The following PTPRN2 variants were observed in gnomAD, a reference collection of about 807,000 sequenced individuals.
PTPRN2 encodes receptor-type tyrosine-protein phosphatase N2.
PTPRN2 carries 74 observed loss-of-function variants against 118.8 expected under a neutral mutation model. The observed-to-expected ratio is 0.62, with a 90% CI of 0.52 to 0.76. The LOEUF (loss-of-function observed/expected upper bound fraction) is 0.76. Ranked by LOEUF, PTPRN2 falls within the 30% of genes least tolerant of loss-of-function variation. The pLI, the probability that PTPRN2 is intolerant of heterozygous loss-of-function variation, is 0.00. For missense variants in PTPRN2, 1,481 were observed against 1,394.4 expected (o/e 1.06, Z -0.99); for synonymous variants, 641 against 608.0 (o/e 1.05, Z -0.80).
chr7:157,748,573 T>C lies in PTPRN2; in HGVS notation c.1789-65636A>G, dbSNP rs548110819. Among the ~76,000 whole-genome samples, 63 of 147,320 alleles carry C rather than the reference T, an allele frequency of 4.3e-4. 2 individuals carry two copies. The highest frequency in any genetic ancestry group is 8.2e-4 in the East Asian group (4 of 4,852). ...TTCTGAGGCCTGCGTCCCTGAGCTC[T>C]GGGGTGTCTGGGTGATTCTGAGGTC... On this transcript the variant is annotated intron_variant, in intron 12 of 22. Transcript: ENST00000389418.
intron 3 of PTPRN2, among the ~76,000 whole-genome samples, chr7:158,283,980 G>A (rs1414360246): frequency 2.6e-5 from 4 of 152,114 alleles, no homozygotes; most frequent in African/African-American, 4.8e-5. Flanking sequence ...TCCAGGGTTC[G>A]GGCATCAAGA....
At chr7:158,164,252 C>A (rs556498410) in intron 6 of PTPRN2, among the ~76,000 whole-genome samples, 3 of 146,696 alleles carry the variant, frequency 2.0e-5, no homozygotes, top group African/African-American at 8.2e-5. Flanking sequence ...CAGGAGCGCA[C>A]GCGTAGGAAG....
intron 5 of PTPRN2, among the ~76,000 whole-genome samples, chr7:158,185,324 A>G (rs1482543273): frequency 6.6e-6 from 1 of 152,200 alleles, no homozygotes; most frequent in Non-Finnish European, 1.5e-5. Flanking sequence ...ATGTGTGTTT[A>G]GCAGTTTTTA....
intron 2 of PTPRN2, among the ~76,000 whole-genome samples, chr7:158,367,551 G>A (rs951540256): frequency 2.0e-5 from 3 of 152,192 alleles, no homozygotes; most frequent in Non-Finnish European, 2.9e-5. Flanking sequence ...TGGGGAGCAC[G>A]TCAGTCACCT....
intron 2 of PTPRN2, among the ~76,000 whole-genome samples, chr7:158,466,858 C>A (rs979341460): frequency 6.6e-6 from 1 of 151,974 alleles, no homozygotes; most frequent in Non-Finnish European, 1.5e-5. Flanking sequence ...CTGGCCAACA[C>A]GGTGAAACCC....
intron 2 of PTPRN2, among the ~76,000 whole-genome samples, chr7:158,462,108 A>G (rs1032737207): frequency 3.0e-5 from 1 of 33,872 alleles, no homozygotes; most frequent in Non-Finnish European, 6.5e-5. Context: ...CTAGGTCCAC[A>G]CACCAGGGCC....
intron 1 of PTPRN2, among the ~76,000 whole-genome samples, chr7:158,542,139 T>G (rs935202109): frequency 1.3e-5 from 2 of 152,188 alleles, no homozygotes; most frequent in African/African-American, 2.4e-5. Context: ...CCCTTCTTTT[T>G]TTGTTGTTGT....
rs76659431 is a variant in PTPRN2 at position 157,651,150 on chromosome 7, C to T, written c.2196+5207G>A. On this transcript the variant is annotated intron_variant, in intron 14 of 22. Transcript: ENST00000389418. The stretch of plus-strand genomic sequence containing the variant: ...ACTCCACAGGCTGGCAGCACCCCCT[C>T]CCTCCTCAGCAAAATTCATGAACTT... Among the ~76,000 whole-genome samples, 719 of 152,370 alleles carry T rather than the reference C, an allele frequency of 4.7e-3. 7 individuals are homozygous for T. The highest frequency in any genetic ancestry group is 0.016 in the African/African-American group (682 of 41,590).
At chr7:157,875,014 GACAC>G (rs772135547) in intron 12 of PTPRN2, among the ~76,000 whole-genome samples, 1 of 94,144 alleles carries the variant, frequency 1.1e-5, no homozygotes, top group Admixed American at 8.9e-5. Context: ...CATGCACACA[GACAC>G]ACAGACACAC....
rs1251531320 is a variant in PTPRN2 at position 158,092,282 on chromosome 7, G to GTA, written c.1644-10906_1644-10905insTA. ...TGCATATATATACATATATGTGTGT[G>GTA]TGTATATATATGTAGGTGAGTGGGT... On this transcript the variant is annotated intron_variant, in intron 10 of 22. Transcript: ENST00000389418. 1.8e-4 allele frequency among the ~76,000 whole-genome samples: 25 copies of GTA among 137,824 alleles called. No individual in the cohort carries two copies. The East Asian group carries it at 5.6e-3, about 31-fold the overall frequency. 90.4% of individuals were successfully genotyped at this position (137,824 alleles called of 152,430 possible). A position where few individuals can be genotyped will look rare whatever the true frequency, so the allele number is the denominator to read the frequency against.
At chr7:157,757,822 A>G (rs1201361860) in intron 12 of PTPRN2, among the ~76,000 whole-genome samples, 1 of 152,218 alleles carries the variant, frequency 6.6e-6, no homozygotes, top group Non-Finnish European at 1.5e-5. Flanking sequence ...GACCTTTGAA[A>G]AGAGCCCCAG....
intron 6 of PTPRN2, among the ~76,000 whole-genome samples, chr7:158,164,123 C>T (rs958543042): frequency 4.6e-4 from 69 of 151,440 alleles, no homozygotes; most frequent in African/African-American, 1.4e-3. Flanking sequence ...GACGCTTGTT[C>T]CGAAGATCCA....
Position 157,944,243 on chromosome 7 carries a change from T to C in PTPRN2, c.1724-45506A>G, listed in dbSNP as rs771454204. The stretch of plus-strand genomic sequence containing the variant: ...GGCATTTGACAAAGATTGAGCATGG[T>C]TCGTCGCGAACGCCAGCCTGCCCCC... On this transcript the variant is annotated intron_variant, in intron 11 of 22. Coordinates refer to ENST00000389418, the MANE Select transcript of PTPRN2 (RefSeq NM_002847.5). The surrounding 1 kb of genome is among the most constrained non-coding windows in gnomAD (Gnocchi z 4.3). 1.3e-5 allele frequency among the ~76,000 whole-genome samples: 2 copies of C among 152,210 alleles called. No homozygotes were observed. Among genetic ancestry groups the C allele is most frequent in the African/African-American group, 4.8e-5 (2 of 41,550 alleles).
intron 11 of PTPRN2, among the ~76,000 whole-genome samples, chr7:158,036,148 A>T (rs6951695): frequency 1.4e-4 from 21 of 151,924 alleles, no homozygotes; most frequent in African/African-American, 4.6e-4. Flanking sequence ...AATTAGGGGC[A>T]TAACAATAAC....
intron 11 of PTPRN2, among the ~76,000 whole-genome samples, chr7:158,006,439 G>A (rs1805636714): frequency 6.6e-6 from 1 of 152,176 alleles, no homozygotes; most frequent in Non-Finnish European, 1.5e-5. Flanking sequence ...AAACACAGCT[G>A]ACCTCCTGCC....
intron 3 of PTPRN2, among the ~76,000 whole-genome samples, chr7:158,218,273 T>G (rs1417401015): frequency 1.3e-5 from 2 of 152,078 alleles, no homozygotes; most frequent in Non-Finnish European, 2.9e-5. Flanking sequence ...CAGAAGAGAC[T>G]GGGGGCCCTA....
chr7:158,080,821 A>G (rs906862249), intron 11 of PTPRN2, among the ~76,000 whole-genome samples: 14 of 152,246 alleles, frequency 9.2e-5, no homozygotes, highest in African/African-American at 3.1e-4. Context: ...TTTTACTGAA[A>G]CCTCCCAGAT....
rs1420744990 is a variant in PTPRN2 at position 157,603,976 on chromosome 7, G to A, written c.2418+26C>T. 6.2e-7 allele frequency: 1 copy of A among 1,609,822 alleles called. No individual in the cohort carries two copies. Among genetic ancestry groups the A allele is most frequent in the Non-Finnish European group, 8.5e-7 (1 of 1,176,736 alleles). On this transcript the variant is annotated intron_variant, in intron 16 of 22. Transcript: ENST00000389418. The surrounding 1 kb of genome is among the most constrained non-coding windows in gnomAD (Gnocchi z 5.4). ...CCGTGCCACCCAAGGGAAAGCCTGG[G>A]GCCCCTGTCCCGGCAGTGCACTTAC...
chr7:157,888,511 G>A (rs1796612644), intron 12 of PTPRN2, among the ~76,000 whole-genome samples: 1 of 152,096 alleles, frequency 6.6e-6, no homozygotes, highest in African/African-American at 2.4e-5. Context: ...TCAGGAACGT[G>A]TGGCCGTGCT....
Sources: allele counts gnomAD v4.1 joint callset (sites outside exome capture counted in the v4.1 genomes callset), GRCh38; gene constraint gnomAD v4.1.1; non-coding constraint Gnocchi (gnomAD v3.1); transcripts MANE v1.5; gene names NCBI Gene and HGNC (gene_info 2026-07-23, HGNC 2026-07-21).